NOL7: variants seen among roughly 807,000 people sequenced by gnomAD.
NOL7 encodes U3 small nucleolar RNA-associated protein NOL7.
NOL7 carries 36 observed loss-of-function variants against 38.4 expected under a neutral mutation model. That is an observed-to-expected ratio of 0.94 (90% confidence interval 0.72 to 1.24). The LOEUF is 1.24. Among genes scored for constraint, NOL7 ranks in the 50% most tolerant of loss-of-function variants. The probability of loss-of-function intolerance (pLI) is 0.00; values close to 1 mark genes in which losing one functional copy is unlikely to be tolerated. For synonymous variants in NOL7, 142 were observed against 126.5 expected, an observed-to-expected ratio of 1.12 and a Z score of -0.82; for missense variants, 350 against 315.1, an observed-to-expected ratio of 1.11 and a Z score of -0.84.
At chr6:13,617,127 T>C (rs549992637) in intron 3 of NOL7, among the ~76,000 whole-genome samples, 1 of 152,240 alleles carries the variant, frequency 6.6e-6, no homozygotes, top group South Asian at 2.1e-4. Context: ...GTAAAAAAAC[T>C]TTACCAAAGA....
In NOL7 at chr6:13,632,449, A is replaced by T. The variant is rs371276642; in HGVS notation, n.630A>T. On this transcript the variant is annotated non_coding_transcript_exon_variant, in exon 9 of 9. Coordinates refer to the NOL7 transcript ENST00000474485. ...ACTCATTGCTTGCAGCTCTCGTCCA[A>T]AGTGGATCATTCTTTCTATGGCGGC... The T allele has an allele frequency of 3.1e-6, 5 of 1,613,768 alleles. No homozygotes were observed. In the African/African-American group the frequency reaches 6.7e-5, roughly 22 times the overall value.
chr6:13,616,688 C>T (rs190060123), intron 3 of NOL7, among the ~76,000 whole-genome samples, 167 bp downstream of exon 3: 1 of 152,184 alleles, frequency 6.6e-6, no homozygotes, highest in Non-Finnish European at 1.5e-5. Context: ...CGTTCTACTT[C>T]TTATTTTACC....
chr6:13,629,921 CGTGTGTGT>C (rs3063992), intron 8 of NOL7, among the ~76,000 whole-genome samples: 7 of 128,342 alleles, frequency 5.5e-5, no homozygotes, highest in Admixed American at 1.5e-4. Flanking sequence ...CTCTCTCTCT[CGTGTGTGT>C]GTGTGTGTGT....
intron 5 of NOL7, 104 bp downstream of exon 5, chr6:13,618,243 ATTT>A (rs1292093465): frequency 2.8e-6 from 1 of 355,532 alleles, no homozygotes; most frequent in Non-Finnish European, 4.8e-6. Flanking sequence ...TTTTATTTTT[ATTT>A]TTTTATTTTT....
Position 13,620,737 on chromosome 6 carries a change from A to T in NOL7, c.701-17A>T. The T allele has an allele frequency of 6.5e-7, 1 of 1,539,064 alleles. No individual in the cohort carries two copies. Among genetic ancestry groups the T allele is most frequent in the Non-Finnish European group, 8.9e-7 (1 of 1,129,456 alleles). The stretch of plus-strand genomic sequence containing the variant: ...TGTTTTTCTAATATACTTACTGCAG[A>T]AAACTTTATATTCTAGGAATCCAAA... On this transcript the variant is annotated splice_polypyrimidine_tract_variant and intron_variant, in intron 7 of 7. Transcript: ENST00000451315.
At chr6:13,617,244 T>C (rs1418812122) in intron 3 of NOL7, among the ~76,000 whole-genome samples, 11 of 149,378 alleles carry the variant, frequency 7.4e-5, no homozygotes, top group Non-Finnish European at 1.5e-5. Context: ...CCTTCTCATT[T>C]GCCCCCCCCC....
Position 13,618,145 on chromosome 6 carries a change from G to C in NOL7, c.500+6G>C. 6.6e-7 allele frequency: 1 copy of C among 1,526,036 alleles called. No homozygotes were observed. The allele number at this position is 1,526,036 out of a possible 1,614,324, so 94.5% of individuals were successfully genotyped here. Reference sequence around the variant, plus strand: ...CAAAAAGTACAGTCTGTCAGGTAATGAGTCTTTTGTTTCATTTGGGATGTA... The same window carrying C: ...CAAAAAGTACAGTCTGTCAGGTAATCAGTCTTTTGTTTCATTTGGGATGTA... On this transcript the variant is annotated splice_donor_region_variant and intron_variant, in intron 5 of 7. Transcript: ENST00000451315.
Position 13,620,459 on chromosome 6 carries a change from C to A in NOL7, c.674C>A (p.Ala225Asp), listed in dbSNP as rs1562291620. ...AAGAGGTTACCAGTGAAAAGAGCTG[C>A]TGTCCAGTTTTTGAATAATGCTTGG... Reference protein sequence around the residue: ...ANKRLPVKRAAVQFLNNAWGI... With the variant: ...ANKRLPVKRADVQFLNNAWGI... The change falls in exon 7 of 8, where the codon GCT becomes GAT. Residue 225 changes from alanine (A) to aspartate (D), a missense_variant. Coordinates refer to ENST00000451315, the MANE Select transcript of NOL7 (RefSeq NM_016167.5). 1 of 1,614,054 alleles carries A rather than the reference C, an allele frequency of 6.2e-7. No individual in the cohort carries two copies. Among genetic ancestry groups the A allele is most frequent in the Non-Finnish European group, 8.5e-7 (1 of 1,179,970 alleles).
At position 13,616,614 on chromosome 6, in the gene NOL7, A is replaced by C; in HGVS notation, c.386+93A>C. ...TTATTTGAATCCATATAACTGAAGG[A>C]ATTGTAGAACCCAAATTCAAAAGCT... On this transcript the variant is annotated intron_variant, in intron 3 of 7. Transcript: ENST00000451315. The C allele has an allele frequency of 3.5e-6, 3 of 868,100 alleles. No homozygotes were observed. In the South Asian group the frequency reaches 5.8e-5, roughly 17 times the overall value. 53.8% of individuals were successfully genotyped at this position (868,100 alleles called of 1,614,324 possible).
downstream of NOL7, chr6:13,622,469 G>A: frequency 6.3e-7 from 1 of 1,588,414 alleles, no homozygotes; most frequent in African/African-American, 1.4e-5. Context: ...GCAAGTGGAG[G>A]TTGCTTTGGC....
intron 2 of NOL7, among the ~76,000 whole-genome samples, chr6:13,615,990 C>A (rs1425726087): frequency 6.6e-6 from 1 of 150,964 alleles, no homozygotes; most frequent in Non-Finnish European, 1.5e-5. Flanking sequence ...GAGCCGAGAT[C>A]ACACCACTGC....
intron 5 of NOL7, chr6:13,618,350 C>T (rs1764342808): frequency 5.6e-6 from 1 of 179,602 alleles, no homozygotes. Flanking sequence ...CGGGTTCACG[C>T]CATTCTCCTG....
At position 13,615,514 on chromosome 6, in the gene NOL7, C is replaced by A. The variant is rs1302814880; in HGVS notation, c.156C>A (p.Asp52Glu). 7 of 1,555,278 alleles carry A rather than the reference C, an allele frequency of 4.5e-6. No individual in the cohort carries two copies. The South Asian group carries it at 7.1e-5, about 16-fold the overall frequency. The change falls in exon 1 of 8, where the codon GAC becomes GAA. Residue 52 changes from aspartate to glutamate, a missense_variant. Coordinates refer to ENST00000451315, the MANE Select transcript of NOL7 (RefSeq NM_016167.5). ...CGGCCGCCGAGCCCCTGGAGGAAGA[C>A]GAGGAAGGGGACGATGAGTTTGACG... is the stretch of plus-strand genomic sequence containing the variant. ...SGAAAEPLEE[D>E]EEGDDEFDDE...
chr6:13,623,281 A>G (rs1562293258), downstream of NOL7, among the ~76,000 whole-genome samples: 1 of 152,240 alleles, frequency 6.6e-6, no homozygotes, highest in African/African-American at 2.4e-5. Flanking sequence ...AATCAATAAA[A>G]TTACTAATCA....
In NOL7 at chr6:13,630,091, C is replaced by T. The variant is rs142181684; in HGVS notation, n.574-2302C>T. 7.4e-3 allele frequency among the ~76,000 whole-genome samples: 1,126 copies of T among 152,152 alleles called. 12 individuals carry two copies. The highest frequency in any genetic ancestry group is 0.024 in the African/African-American group (1,008 of 41,500). On this transcript the variant is annotated intron_variant and non_coding_transcript_variant, in intron 8 of 8. Coordinates refer to the NOL7 transcript ENST00000474485. ...CTAAACCTGTTTTCTCTTCATGTTG[C>T]CCTCAAATCATCCGGCCTTGTTCTT...
chr6:13,617,918 T>TG, intron 4 of NOL7, 117 bp downstream of exon 4: 1 of 1,086,154 alleles, frequency 9.2e-7, no homozygotes, highest in Non-Finnish European at 1.4e-6. Context: ...CAAGGTTAGC[T>TG]GGGGCCTATT....
At chr6:13,620,051 G>C (rs1472697404) in intron 5 of NOL7, among the ~76,000 whole-genome samples, 157 bp from the exon 6 acceptor site, 2 of 152,154 alleles carry the variant, frequency 1.3e-5, no homozygotes, top group Non-Finnish European at 2.9e-5. Context: ...CTATTCAGGA[G>C]GCTGAGGCAG....
At chr6:13,626,480 A>G (rs917250900), downstream of NOL7, among the ~76,000 whole-genome samples, 7 of 152,238 alleles carry the variant, frequency 4.6e-5, no homozygotes, top group Admixed American at 2.6e-4. Context: ...TCATTACTGC[A>G]TAATGGGGAC....
At chr6:13,627,265 C>G (rs1675737573) in intron 8 of NOL7, among the ~76,000 whole-genome samples, 1 of 152,142 alleles carries the variant, frequency 6.6e-6, no homozygotes, top group African/African-American at 2.4e-5. Context: ...CCTAACCCAA[C>G]CCACACTTCC....
Sources: gnomAD v4.1 joint callset for allele counts (sites outside exome capture counted in the v4.1 genomes callset) on GRCh38, gnomAD v4.1.1 for gene constraint, MANE v1.5 for transcripts, NCBI Gene and HGNC (gene_info 2026-07-23, HGNC 2026-07-21) for gene names.